The following PTPRN2 variants were observed in gnomAD, a reference collection of about 807,000 sequenced individuals.
PTPRN2 encodes receptor-type tyrosine-protein phosphatase N2.
Under a neutral mutation model 118.8 loss-of-function variants are expected in PTPRN2, and 74 were observed. The ratio of observed to expected loss-of-function variants is 0.62; its 90% CI spans 0.52 to 0.76. The LOEUF (loss-of-function observed/expected upper bound fraction) is 0.76. PTPRN2 is among the 30% of genes least tolerant of loss of function. The pLI, the probability that PTPRN2 is intolerant of heterozygous loss-of-function variation, is 0.00. For synonymous variants in PTPRN2, 641 were observed against 608.0 expected, an observed-to-expected ratio of 1.05 and a Z score of -0.80; for missense variants, 1,481 against 1,394.4, an observed-to-expected ratio of 1.06 and a Z score of -0.99.
At chr7:158,384,871 G>A (rs1041780078) in intron 2 of PTPRN2, among the ~76,000 whole-genome samples, 13 of 152,072 alleles carry the variant, frequency 8.5e-5, no homozygotes, top group African/African-American at 3.1e-4. Flanking sequence ...AGATGTCAGG[G>A]TGCACCTCTG....
At chr7:158,196,853 T>C (rs139134039) in intron 4 of PTPRN2, among the ~76,000 whole-genome samples, 79 of 152,224 alleles carry the variant, frequency 5.2e-4, no homozygotes, top group African/African-American at 1.8e-3. Context: ...CCCATGAAAA[T>C]ATCCTTCAAA....
chr7:157,682,311 G>T (rs1796952714), intron 13 of PTPRN2, among the ~76,000 whole-genome samples: 1 of 152,164 alleles, frequency 6.6e-6, no homozygotes, highest in Admixed American at 6.5e-5. Context: ...CAGGTCAAAG[G>T]ATCTTTTCAC....
intron 5 of PTPRN2, among the ~76,000 whole-genome samples, chr7:158,181,082 T>C (rs1470057199): frequency 1.3e-5 from 2 of 152,186 alleles, no homozygotes; most frequent in East Asian, 1.9e-4. Context: ...GGGTTTATCA[T>C]ATATGGCTTT....
chr7:158,138,441 G>A lies in PTPRN2; in HGVS notation c.985C>T (p.Leu329=), dbSNP rs374135069. 161 of 1,613,226 alleles carry A rather than the reference G, an allele frequency of 1.0e-4. No individual in the cohort carries two copies. The highest frequency in any genetic ancestry group is 1.3e-4 in the Non-Finnish European group (151 of 1,179,922). Reference sequence around the variant, plus strand: ...GCCATCAGCTCAGCCATGCCGTCCAGCTCCAGGCCACTCAGGCCCCTCACC... The same window carrying A: ...GCCATCAGCTCAGCCATGCCGTCCAACTCCAGGCCACTCAGGCCCCTCACC... ...AEVRGLSGLE[L]DGMAELMAGL... is the part of the protein sequence containing the mutation. Residue 329 remains leucine, a synonymous_variant, in exon 7 of 23, where the codon CTG becomes TTG. Coordinates refer to ENST00000389418, the MANE Select transcript of PTPRN2 (RefSeq NM_002847.5).
chr7:158,265,153 G>A (rs1797787651), intron 3 of PTPRN2, among the ~76,000 whole-genome samples: 1 of 152,076 alleles, frequency 6.6e-6, no homozygotes, highest in Admixed American at 6.5e-5. Flanking sequence ...CGGTGGAGCA[G>A]TGACTTGCTC....
intron 11 of PTPRN2, among the ~76,000 whole-genome samples, chr7:158,060,058 G>A (rs377053539): frequency 3.0e-5 from 3 of 99,028 alleles, no homozygotes; most frequent in African/African-American, 1.1e-4. Flanking sequence ...ATCTGCACAC[G>A]GTGACACATC....
At chr7:158,171,994 G>A (rs982465022) in intron 5 of PTPRN2, among the ~76,000 whole-genome samples, 21 of 152,202 alleles carry the variant, frequency 1.4e-4, no homozygotes, top group African/African-American at 5.1e-4. Flanking sequence ...CATCTCTGGG[G>A]TAGCCCAGCT....
At position 158,126,543 on chromosome 7, in the gene PTPRN2, G is replaced by C. The variant is rs528175903; in HGVS notation, c.1556+7134C>G. ...TCCGCCACACCAGCCCCCGGAGAGC[G>C]GGCGGCGGAACTTCCTCTCCGCCAC... On this transcript the variant is annotated intron_variant, in intron 9 of 22. Transcript: ENST00000389418. Among the ~76,000 whole-genome samples the C allele has an allele frequency of 7.2e-5, 6 of 83,144 alleles. No individual in the cohort carries two copies. In the East Asian group the frequency reaches 1.6e-3, roughly 23 times the overall value. 54.5% of individuals were successfully genotyped at this position (83,144 alleles called of 152,430 possible). A position where few individuals can be genotyped will look rare whatever the true frequency, so the allele number is the denominator to read the frequency against.
chr7:157,803,300 A>G (rs886984385), intron 12 of PTPRN2, among the ~76,000 whole-genome samples: 3 of 152,148 alleles, frequency 2.0e-5, no homozygotes, highest in Non-Finnish European at 4.4e-5. Flanking sequence ...CTTATCCGTT[A>G]TGTGGTATGC....
chr7:158,549,657 C>G (rs969473749), intron 1 of PTPRN2, among the ~76,000 whole-genome samples: 6 of 152,238 alleles, frequency 3.9e-5, no homozygotes, highest in African/African-American at 1.4e-4. Flanking sequence ...GCTGGAAGCT[C>G]CGCCTCCCAG....
intron 12 of PTPRN2, among the ~76,000 whole-genome samples, chr7:157,806,348 G>A (rs953121046): frequency 6.6e-6 from 1 of 152,154 alleles, no homozygotes; most frequent in African/African-American, 2.4e-5. Flanking sequence ...ATGTATATAT[G>A]TGTATATATG....
intron 12 of PTPRN2, among the ~76,000 whole-genome samples, chr7:157,743,827 C>T (rs751754922): frequency 4.3e-4 from 66 of 152,238 alleles, no homozygotes; most frequent in African/African-American, 1.5e-3. Context: ...CTGGCAAGGC[C>T]GTGGCTGGGA....
intron 2 of PTPRN2, among the ~76,000 whole-genome samples, chr7:158,328,972 G>A (rs1345234423): frequency 6.6e-6 from 1 of 151,848 alleles, no homozygotes; most frequent in Non-Finnish European, 1.5e-5. Context: ...AGTGATGTCT[G>A]CAAGCATCAG....
intron 11 of PTPRN2, among the ~76,000 whole-genome samples, chr7:157,980,836 T>A (rs1803081127): frequency 6.6e-6 from 1 of 152,188 alleles, no homozygotes; most frequent in Non-Finnish European, 1.5e-5. Context: ...CAGACGCTCC[T>A]CCCTTTAAGC....
At chr7:158,488,065 C>T (rs1198378798) in intron 2 of PTPRN2, among the ~76,000 whole-genome samples, 1 of 152,148 alleles carries the variant, frequency 6.6e-6, no homozygotes, top group East Asian at 1.9e-4. Flanking sequence ...CCAGGCCGGC[C>T]TTTGTCAAGG....
intron 2 of PTPRN2, among the ~76,000 whole-genome samples, chr7:158,331,352 C>G (rs1586301310): frequency 7.1e-6 from 1 of 140,796 alleles, no homozygotes; most frequent in Non-Finnish European, 1.6e-5. Flanking sequence ...CCCATACTCT[C>G]ACCATAAGAG....
At chr7:158,521,232 C>T (rs1371819894) in intron 1 of PTPRN2, among the ~76,000 whole-genome samples, 4 of 152,146 alleles carry the variant, frequency 2.6e-5, no homozygotes. Flanking sequence ...TCAGGCAGAA[C>T]CTGAGGGTAT....
intron 11 of PTPRN2, among the ~76,000 whole-genome samples, chr7:157,954,746 G>A (rs1191119771): frequency 1.3e-5 from 2 of 152,188 alleles, no homozygotes; most frequent in Non-Finnish European, 2.9e-5. Flanking sequence ...GTGGAAGTGG[G>A]GGTGGCCTCT....
chr7:158,382,537 G>A (rs772916030), intron 2 of PTPRN2, among the ~76,000 whole-genome samples: 12 of 151,960 alleles, frequency 7.9e-5, no homozygotes, highest in East Asian at 1.9e-4. Flanking sequence ...CCCAACCCCC[G>A]GGCCATGAAC....
Sources: allele counts gnomAD v4.1 joint callset (sites outside exome capture counted in the v4.1 genomes callset), GRCh38; gene constraint gnomAD v4.1.1; transcripts MANE v1.5; gene names NCBI Gene and HGNC (gene_info 2026-07-23, HGNC 2026-07-21).